The following PLCL1 variants were observed in gnomAD, a reference collection of about 807,000 sequenced individuals.
PLCL1 encodes phospholipase C like 1 (inactive), also known as inactive phospholipase C-like protein 1.
PLCL1 carries 41 observed loss-of-function variants against 84.4 expected under a neutral mutation model. The ratio of observed to expected loss-of-function variants is 0.49; its 90% CI spans 0.38 to 0.63. The LOEUF is 0.63. Ranked by LOEUF, PLCL1 falls within the 30% of genes least tolerant of loss-of-function variation. PLCL1 has a pLI of 0.00. For synonymous variants in PLCL1, 490 were observed against 488.3 expected, an observed-to-expected ratio of 1.00 and a Z score of -0.05; for missense variants, 1,206 against 1,367.8, an observed-to-expected ratio of 0.88 and a Z score of 1.87.
intron 1 of PLCL1, among the ~76,000 whole-genome samples, chr2:197,887,066 C>T (rs535202766): frequency 2.0e-5 from 3 of 152,168 alleles, no homozygotes; most frequent in Non-Finnish European, 4.4e-5. Flanking sequence ...ATGTAATTCC[C>T]TAGAGACCTG....
chr2:197,971,156 T>C (rs1041943720), intron 1 of PLCL1, among the ~76,000 whole-genome samples: 4 of 152,232 alleles, frequency 2.6e-5, no homozygotes, highest in African/African-American at 9.6e-5. Flanking sequence ...TTTTCCAATA[T>C]CTGCCACTTA....
chr2:197,935,513 A>T (rs1160922340), intron 1 of PLCL1, among the ~76,000 whole-genome samples: 1 of 152,210 alleles, frequency 6.6e-6, no homozygotes, highest in African/African-American at 2.4e-5. Flanking sequence ...TAATGCAGGA[A>T]CATAAAACCA....
At chr2:198,064,147 A>T (rs1260672485) in intron 1 of PLCL1, among the ~76,000 whole-genome samples, 1 of 152,186 alleles carries the variant, frequency 6.6e-6, no homozygotes, top group African/African-American at 2.4e-5. Context: ...ACAGGCAAGA[A>T]ACCTGTGAAT....
chr2:197,944,056 C>G (rs573601330), intron 1 of PLCL1, among the ~76,000 whole-genome samples: 3 of 152,092 alleles, frequency 2.0e-5, no homozygotes, highest in Non-Finnish European at 4.4e-5. Flanking sequence ...GGAGTATATC[C>G]TTTAGTGACT....
chr2:197,866,533 C>T (rs1281773897), intron 1 of PLCL1, among the ~76,000 whole-genome samples: 2 of 152,024 alleles, frequency 1.3e-5, no homozygotes, highest in African/African-American at 4.8e-5. Flanking sequence ...ACTGTCAGCA[C>T]CTGCATCTCA....
At position 197,804,968 on chromosome 2, in the gene PLCL1, C is replaced by G. The variant is rs996390836; in HGVS notation, c.-132C>G. The G allele has an allele frequency of 3.7e-5, 43 of 1,160,586 alleles. No individual in the cohort carries two copies. Among genetic ancestry groups the G allele is most frequent in the Non-Finnish European group, 4.7e-5 (40 of 859,996 alleles). 71.9% of individuals were successfully genotyped at this position (1,160,586 alleles called of 1,614,324 possible). ...GCCGCCGCCGCCGCCGCCGCCGCCA[C>G]TGCCGCCGCTGGGCGGTGAAACAAA... On this transcript the variant is annotated 5_prime_UTR_variant, in exon 1 of 6. Transcript: ENST00000428675.
chr2:197,869,423 T>C (rs2105703168), intron 1 of PLCL1, among the ~76,000 whole-genome samples: 1 of 152,306 alleles, frequency 6.6e-6, no homozygotes, highest in South Asian at 2.1e-4. Context: ...GTGATTATTT[T>C]GATTTATATT....
At chr2:197,981,967 T>C (rs1450944377) in intron 1 of PLCL1, among the ~76,000 whole-genome samples, 1 of 152,112 alleles carries the variant, frequency 6.6e-6, no homozygotes, top group Non-Finnish European at 1.5e-5. Context: ...AGCTTATCTA[T>C]GTATTTTAAT....
intron 1 of PLCL1, among the ~76,000 whole-genome samples, chr2:197,851,994 C>G (rs1687248648): frequency 6.6e-6 from 1 of 152,192 alleles, no homozygotes; most frequent in Admixed American, 6.5e-5. Flanking sequence ...TTCCAAATAG[C>G]TCTCCTCTCA....
At chr2:197,869,957 T>C (rs535089256) in intron 1 of PLCL1, among the ~76,000 whole-genome samples, 4 of 152,282 alleles carry the variant, frequency 2.6e-5, no homozygotes, top group African/African-American at 7.2e-5. Context: ...ACTTTTTTTT[T>C]CCATAAGTGT....
At chr2:198,114,606 A>G (rs959644415) in intron 5 of PLCL1, among the ~76,000 whole-genome samples, 3 of 151,848 alleles carry the variant, frequency 2.0e-5, no homozygotes, top group Non-Finnish European at 2.9e-5. Flanking sequence ...TATTTCTTAC[A>G]GTGATATAAG....
Position 198,141,322 on chromosome 2 carries a change from A to T in PLCL1, c.3106-5458A>T, listed in dbSNP as rs897489746. Among the ~76,000 whole-genome samples, 5 of 152,126 alleles carry T rather than the reference A, an allele frequency of 3.3e-5. No homozygotes were observed. In the East Asian group the frequency reaches 9.7e-4, roughly 29 times the overall value. On this transcript the variant is annotated intron_variant, in intron 5 of 5. Coordinates refer to ENST00000428675, the MANE Select transcript of PLCL1 (RefSeq NM_006226.4). ...TAAGTTATATTATATGCAATTTCCT[A>T]ATAGCTGCACCTTTGTGCCTTTTAA... is the stretch of plus-strand genomic sequence containing the variant.
At chr2:198,009,901 G>C (rs1473107533) in intron 1 of PLCL1, among the ~76,000 whole-genome samples, 1 of 151,588 alleles carries the variant, frequency 6.6e-6, no homozygotes, top group Non-Finnish European at 1.5e-5. Flanking sequence ...TTATCTCCTG[G>C]GTTAAGTTTT....
chr2:198,079,838 TCTGA>T (rs1692665805), intron 1 of PLCL1, among the ~76,000 whole-genome samples: 1 of 152,220 alleles, frequency 6.6e-6, no homozygotes, highest in Admixed American at 6.5e-5. Context: ...GAATTCAATG[TCTGA>T]CTAATTATTG....
chr2:197,818,885 C>T (rs919620321), intron 1 of PLCL1, among the ~76,000 whole-genome samples: 1 of 152,022 alleles, frequency 6.6e-6, no homozygotes, highest in African/African-American at 2.4e-5. Context: ...CTGCCCCACC[C>T]AAAGAGGTTT....
At chr2:197,810,223 A>G in intron 1 of PLCL1, 1 of 905,736 alleles carries the variant, frequency 1.1e-6, no homozygotes. Context: ...CCATAGTAAC[A>G]TGGTCACATT....
chr2:198,050,023 T>A (rs959666642), intron 1 of PLCL1, among the ~76,000 whole-genome samples: 4 of 152,174 alleles, frequency 2.6e-5, no homozygotes, highest in African/African-American at 9.7e-5. Context: ...CAAGGATAAA[T>A]GCCCCAGCGC....
intron 1 of PLCL1, among the ~76,000 whole-genome samples, chr2:198,021,586 C>T (rs949908264): frequency 6.6e-6 from 1 of 152,284 alleles, no homozygotes; most frequent in East Asian, 1.9e-4. Flanking sequence ...CACAGAAATA[C>T]AAACTACCAT....
At chr2:197,960,460 G>T (rs1331803218) in intron 1 of PLCL1, among the ~76,000 whole-genome samples, 1 of 152,016 alleles carries the variant, frequency 6.6e-6, no homozygotes, top group Non-Finnish European at 1.5e-5. Context: ...CTTCAACCAG[G>T]ACAAATAGCA....
Sources: allele counts gnomAD v4.1 joint callset (sites outside exome capture counted in the v4.1 genomes callset), GRCh38; gene constraint gnomAD v4.1.1; transcripts MANE v1.5; gene names NCBI Gene and HGNC (gene_info 2026-07-23, HGNC 2026-07-21).